The following TET2 variants were observed in gnomAD, a reference collection of about 807,000 sequenced individuals.
TET2 encodes the protein tet methylcytosine dioxygenase 2.
Under a neutral mutation model 142.9 loss-of-function variants are expected in TET2, and 299 were observed. The ratio of observed to expected loss-of-function variants is 2.09; its 90% CI spans 1.90 to 2.30. TET2 has a LOEUF of 2.30. Ranked by LOEUF, TET2 falls within the 30% of genes most tolerant of loss-of-function variation. The pLI is 0.00. For synonymous variants in TET2, 819 were observed against 849.0 expected (o/e 0.96, Z 0.61); for missense variants, 2,418 against 2,378.0 (o/e 1.02, Z -0.35).
At position 105,170,017 on chromosome 4, in the gene TET2, C is replaced by A. The variant is rs10011880; in HGVS notation, c.-192-20343C>A. Reference sequence around the variant, plus strand: ...TATAAAGTCAGGTAATGTGATTCTGCCCAATTTGTTCTTTGTGCTTAGTTT... The same window carrying A: ...TATAAAGTCAGGTAATGTGATTCTGACCAATTTGTTCTTTGTGCTTAGTTT... On this transcript the variant is annotated intron_variant, in intron 1 of 10. Transcript: ENST00000380013. 2.6e-3 allele frequency among the ~76,000 whole-genome samples: 392 copies of A among 152,028 alleles called. 3 individuals carry two copies. Among genetic ancestry groups the A allele is most frequent in the African/African-American group, 7.6e-3 (316 of 41,456 alleles).
At chr4:105,179,188 G>C (rs1421281896) in intron 1 of TET2, among the ~76,000 whole-genome samples, 1 of 152,184 alleles carries the variant, frequency 6.6e-6, no homozygotes, top group South Asian at 2.1e-4. Context: ...TTTGGGTGGG[G>C]ACACAAAGCC....
In TET2 at chr4:105,236,351, A is replaced by C. The variant is rs1560545766; in HGVS notation, c.2409A>C (p.Gln803His). The C allele has an allele frequency of 6.2e-7, 1 of 1,614,044 alleles. No individual in the cohort carries two copies. Among genetic ancestry groups the C allele is most frequent in the Admixed American group, 1.7e-5 (1 of 60,006 alleles). Residue 803 changes from glutamine to histidine, a missense_variant, in exon 3 of 11, where the codon CAA becomes CAC. By Grantham distance (24) the Gln-to-His change is conservative (BLOSUM62 0). Transcript: ENST00000380013. ...GCGAGTTCGAGACTCATAATGTCCA[A>C]ATGGGACTGGAGGAAGTACAGAATA... ...KSSEFETHNV[Q>H]MGLEEVQNIN... is the part of the protein sequence containing the mutation.
In TET2 at chr4:105,236,866, G is replaced by C; in HGVS notation, c.2924G>C (p.Ser975Thr). 1 of 1,614,124 alleles carries C rather than the reference G, an allele frequency of 6.2e-7. No homozygotes were observed. The highest frequency in any genetic ancestry group is 1.3e-5 in the African/African-American group (1 of 75,044). Residue 975 changes from serine (S) to threonine (T), a missense_variant, in exon 3 of 11, where the codon AGT (serine) becomes ACT (threonine). Transcript: ENST00000380013. ...CAACCCCAAACTGAGTCTTGCCATA[G>C]TCAGATGCACAGGCCAATTAAGGTG... ...TQQPQTESCH[S>T]QMHRPIKVEP...
At chr4:105,272,370 T>C (rs991719305) in intron 9 of TET2, among the ~76,000 whole-genome samples, 194 bp from the exon 10 acceptor site, 1 of 152,180 alleles carries the variant, frequency 6.6e-6, no homozygotes, top group African/African-American at 2.4e-5. Context: ...ATTTGTCTTA[T>C]CTCCCTGTAC....
chr4:105,236,073 G>C lies in TET2; in HGVS notation c.2131G>C (p.Glu711Gln), dbSNP rs869025296. 1.2e-6 allele frequency: 2 copies of C among 1,614,132 alleles called. No individual in the cohort carries two copies. Among genetic ancestry groups the C allele is most frequent in the Non-Finnish European group, 1.7e-6 (2 of 1,180,014 alleles). ...QHLNQQASET[E>Q]PFSNSHLLQH... is the part of the protein sequence containing the mutation. Reference sequence around the variant, plus strand: ...CTTGAATCAACAGGCTTCAGAGACTGAGCCATTTTCAAACTCACACCTTTT... The same window carrying C: ...CTTGAATCAACAGGCTTCAGAGACTCAGCCATTTTCAAACTCACACCTTTT... The change falls in exon 3 of 11, where the codon GAG becomes CAG. Residue 711 changes from glutamate to glutamine, a missense_variant. Transcript: ENST00000380013.
intron 4 of TET2, 114 bp from the exon 5 acceptor site, chr4:105,242,720 T>C: frequency 6.8e-7 from 1 of 1,472,714 alleles, no homozygotes; most frequent in Non-Finnish European, 9.0e-7. Context: ...AAACCGTTCA[T>C]TTCTCAGGAT....
intron 6 of TET2, among the ~76,000 whole-genome samples, chr4:105,250,379 G>GTTTTTTT: frequency 1.3e-5 from 1 of 75,142 alleles, no homozygotes; most frequent in Non-Finnish European, 2.6e-5. Flanking sequence ...TTCCTTTCTG[G>GTTTTTTT]ATTTTTTTTT....
chr4:105,246,910 C>A (rs957403826), intron 6 of TET2, among the ~76,000 whole-genome samples: 6 of 152,152 alleles, frequency 3.9e-5, no homozygotes, highest in Non-Finnish European at 8.8e-5. Context: ...CCAGCTGTTT[C>A]TTCTTTAAAG....
rs776362232 is a variant in TET2 at position 105,235,373 on chromosome 4, T to C, written c.1431T>C (p.Ser477=). The C allele has an allele frequency of 1.2e-6, 2 of 1,614,208 alleles. No homozygotes were observed. The highest frequency in any genetic ancestry group is 1.7e-6 in the Non-Finnish European group (2 of 1,180,022). The change falls in exon 3 of 11, where the codon TCT becomes TCC. Residue 477 remains serine, a synonymous_variant. Coordinates refer to ENST00000380013, the MANE Select transcript of TET2 (RefSeq NM_001127208.3). ...TATGCAGCCCTTCTCCGATGCTTTCTGAAAGGCCTCAGAATAATTGTGTGA... is the reference window on the plus strand; with the variant it reads ...TATGCAGCCCTTCTCCGATGCTTTCCGAAAGGCCTCAGAATAATTGTGTGA... The part of the protein sequence containing the change: ...THVCSPSPML[S]ERPQNNCVNR...
At chr4:105,152,114 C>G (rs1723332456) in intron 1 of TET2, among the ~76,000 whole-genome samples, 1 of 152,158 alleles carries the variant, frequency 6.6e-6, no homozygotes, top group South Asian at 2.1e-4. Context: ...CCCATCTCCA[C>G]TAAACATACA....
Position 105,235,102 on chromosome 4 carries a change from T to A in TET2, c.1160T>A (p.Phe387Tyr), listed in dbSNP as rs1728764843. ...NGAYFKQSSVFTKDSFSATTT... is the reference protein window; with the variant it reads ...NGAYFKQSSVYTKDSFSATTT... ...GCTTACTTCAAGCAAAGCTCAGTGT[T>A]CACTAAGGATTCCTTTTCTGCCACT... The change falls in exon 3 of 11, where the codon TTC (phenylalanine) becomes TAC (tyrosine). Residue 387 changes from phenylalanine to tyrosine, a missense_variant. Transcript: ENST00000380013. 1 of 1,614,038 alleles carries A rather than the reference T, an allele frequency of 6.2e-7. No individual in the cohort carries two copies. The highest frequency in any genetic ancestry group is 2.2e-5 in the East Asian group (1 of 44,868).
intron 9 of TET2, among the ~76,000 whole-genome samples, chr4:105,269,994 C>T (rs114616059): frequency 0.04 from 6,020 of 152,202 alleles, 401 homozygotes; most frequent in African/African-American, 0.14. Context: ...TCTCATGAGA[C>T]TTACTCTCCT....
intron 5 of TET2, among the ~76,000 whole-genome samples, chr4:105,243,366 T>C (rs1009249426): frequency 6.6e-6 from 1 of 152,196 alleles, no homozygotes; most frequent in Non-Finnish European, 1.5e-5. Flanking sequence ...TTTGCATCTC[T>C]CCTTGTTCTG....
At chr4:105,243,153 A>G (rs745473142) in intron 5 of TET2, among the ~76,000 whole-genome samples, 11 of 152,242 alleles carry the variant, frequency 7.2e-5, no homozygotes, top group Non-Finnish European at 1.3e-4. Context: ...GGTCCATTCT[A>G]GTGCCTGCTA....
Position 105,276,835 on chromosome 4 carries a change from T to TGGGGGGGGGGGGGG in TET2, c.*317_*318insGGGGGGGGGGGGGG. 4.4e-6 allele frequency: 1 copy of TGGGGGGGGGGGGGG among 228,250 alleles called. No homozygotes were observed. The highest frequency in any genetic ancestry group is 5.0e-5 in the East Asian group (1 of 19,988). The allele number at this position is 228,250 out of a possible 1,614,324, so 14.1% of individuals were successfully genotyped here. A position where few individuals can be genotyped will look rare whatever the true frequency, so the allele number is the denominator to read the frequency against. ...TATTGGACGAGATGATATGTAAATG[T>TGGGGGGGGGGGGGG]GATCCCCCCCCCCCGCTTACAACTC... On this transcript the variant is annotated 3_prime_UTR_variant, in exon 11 of 11. Coordinates refer to ENST00000380013, the MANE Select transcript of TET2 (RefSeq NM_001127208.3).
intron 2 of TET2, among the ~76,000 whole-genome samples, chr4:105,193,547 T>C (rs1413405816): frequency 6.6e-6 from 1 of 152,072 alleles, no homozygotes; most frequent in Admixed American, 6.6e-5. Context: ...GTTGGAGTAA[T>C]TTAGGAGATA....
intron 1 of TET2, among the ~76,000 whole-genome samples, chr4:105,167,830 A>G (rs531934747): frequency 6.6e-6 from 1 of 152,322 alleles, no homozygotes; most frequent in African/African-American, 2.4e-5. Context: ...ATAAAACTTA[A>G]ATGTCATCAT....
chr4:105,165,411 T>A (rs2110394874), intron 1 of TET2, among the ~76,000 whole-genome samples: 1 of 152,218 alleles, frequency 6.6e-6, no homozygotes, highest in South Asian at 2.1e-4. Flanking sequence ...TGTCTTGGTG[T>A]GCTAATCAGG....
At chr4:105,155,050 G>T (rs1195234013) in intron 1 of TET2, among the ~76,000 whole-genome samples, 1 of 152,008 alleles carries the variant, frequency 6.6e-6, no homozygotes, top group African/African-American at 2.4e-5. Flanking sequence ...AAAAATTGCT[G>T]TTCTTGTTTA....
Sources: gnomAD v4.1 joint callset for allele counts (sites outside exome capture counted in the v4.1 genomes callset) on GRCh38, gnomAD v4.1.1 for gene constraint, MANE v1.5 for transcripts, NCBI Gene and HGNC (gene_info 2026-07-23, HGNC 2026-07-21) for gene names.